The following DGKB variants were observed in gnomAD, a reference collection of about 807,000 sequenced individuals.
The protein encoded by DGKB is 90 kDa diacylglycerol kinase.
A neutral mutation model predicts 114.3 loss-of-function variants in DGKB; 67 were observed. The ratio of observed to expected loss-of-function variants is 0.59; its 90% CI spans 0.48 to 0.72. The LOEUF is 0.72. Ranked by LOEUF, DGKB falls within the 30% of genes least tolerant of loss-of-function variation. The probability of loss-of-function intolerance (pLI) is 0.00; values close to 1 mark genes in which losing one functional copy is unlikely to be tolerated. For synonymous variants in DGKB, 398 were observed against 323.1 expected (o/e 1.23, Z -2.49); for missense variants, 907 against 975.2 (o/e 0.93, Z 0.93).
At chr7:14,852,368 C>G (rs1276270268) in intron 1 of DGKB, among the ~76,000 whole-genome samples, 1 of 150,284 alleles carries the variant, frequency 6.7e-6, no homozygotes, top group East Asian at 2.0e-4. Flanking sequence ...TTTATCAATT[C>G]TCATCTCCCT....
intron 1 of DGKB, among the ~76,000 whole-genome samples, chr7:14,877,899 A>G (rs961199544): frequency 2.0e-4 from 31 of 152,186 alleles, no homozygotes; most frequent in African/African-American, 7.5e-4. Flanking sequence ...GCTTTGAGGG[A>G]GTGATTATCA....
chr7:14,655,198 T>C lies in DGKB; in HGVS notation c.1134+17731A>G, dbSNP rs968102207. Among the ~76,000 whole-genome samples the C allele has an allele frequency of 4.6e-5, 7 of 151,690 alleles. No homozygotes were observed. The East Asian group carries it at 1.2e-3, about 25-fold the overall frequency. ...AACAACTTAACAGCAATAATAATAA[T>C]GGTAATAATCCCATTAAGAGGTGGA... On this transcript the variant is annotated intron_variant, in intron 13 of 25. Coordinates refer to ENST00000402815, the MANE Select transcript of DGKB (RefSeq NM_001350709.2).
At chr7:14,901,605 A>ACCCCCCCCCCCCCCCCCCCCCTCCCC (rs1300363624) in intron 1 of DGKB, among the ~76,000 whole-genome samples, 1 of 123,094 alleles carries the variant, frequency 8.1e-6, no homozygotes, top group Non-Finnish European at 1.7e-5. Flanking sequence ...AGGGATTTCC[A>ACCCCCCCCCCCCCCCCCCCCCTCCCC]CCCCCCCCCA....
In DGKB at chr7:14,752,864, A is replaced by G. The variant is rs545835339; in HGVS notation, c.168+1064T>C. Among the ~76,000 whole-genome samples the G allele has an allele frequency of 7.2e-5, 11 of 152,290 alleles. No homozygotes were observed. In the East Asian group the frequency reaches 2.1e-3, roughly 29 times the overall value. On this transcript the variant is annotated intron_variant, in intron 4 of 25. Transcript: ENST00000402815. ...TTGAATGACTACATTAGAGTAAATG[A>G]AAACAAATCATTTACTCCAAGGGAT...
At chr7:14,885,019 A>G (rs535773785) in intron 1 of DGKB, among the ~76,000 whole-genome samples, 2 of 152,080 alleles carry the variant, frequency 1.3e-5, no homozygotes, top group African/African-American at 4.8e-5. Context: ...GCTTAGTTGA[A>G]ATGCTCTTAG....
At chr7:14,466,809 T>A (rs1780546716) in intron 21 of DGKB, among the ~76,000 whole-genome samples, 1 of 152,100 alleles carries the variant, frequency 6.6e-6, no homozygotes, top group South Asian at 2.1e-4. Flanking sequence ...AGAGCAAGAC[T>A]CGTCTCAAAA....
At chr7:14,405,939 A>T (rs1823864410) in intron 21 of DGKB, among the ~76,000 whole-genome samples, 1 of 152,032 alleles carries the variant, frequency 6.6e-6, no homozygotes, top group African/African-American at 2.4e-5. Flanking sequence ...GCAACACAAG[A>T]TTCGCAACAG....
At position 14,594,793 on chromosome 7, in the gene DGKB, T is replaced by C. The variant is rs374932185; in HGVS notation, c.1434-11656A>G. Among the ~76,000 whole-genome samples the C allele has an allele frequency of 7.2e-5, 11 of 152,222 alleles. No individual in the cohort carries two copies. The East Asian group carries it at 2.1e-3, about 29-fold the overall frequency. ...AATGTATTTTGAAAGGAAATAAATCTAGACTTCTATAGGGAAAAAAGACTT... is the reference window on the plus strand; with the variant it reads ...AATGTATTTTGAAAGGAAATAAATCCAGACTTCTATAGGGAAAAAAGACTT... On this transcript the variant is annotated intron_variant, in intron 17 of 25. Transcript: ENST00000402815.
At chr7:14,822,888 T>C (rs1320307907) in intron 2 of DGKB, among the ~76,000 whole-genome samples, 3 of 152,158 alleles carry the variant, frequency 2.0e-5, no homozygotes, top group African/African-American at 7.2e-5. Context: ...ACTTACCTTG[T>C]TCTTTCATCT....
chr7:14,188,171 T>A (rs938838686), intron 23 of DGKB, among the ~76,000 whole-genome samples: 1 of 151,760 alleles, frequency 6.6e-6, no homozygotes, highest in African/African-American at 2.4e-5. Flanking sequence ...GAAAAGAAAG[T>A]AGAAATAAGA....
intron 1 of DGKB, among the ~76,000 whole-genome samples, chr7:14,898,622 T>C (rs1782489146): frequency 1.3e-5 from 2 of 152,218 alleles, no homozygotes; most frequent in South Asian, 4.1e-4. Context: ...GAGCTGATTT[T>C]AGCACCACAT....
intron 2 of DGKB, 63 bp downstream of exon 2, chr7:14,841,131 A>G: frequency 7.2e-7 from 1 of 1,393,860 alleles, no homozygotes; most frequent in East Asian, 2.5e-5. Flanking sequence ...ATTCTTATAA[A>G]TAAATGATAC....
chr7:14,392,995 G>GTTTTGTTGTTTTTTTTTT (rs1554404749), intron 21 of DGKB, among the ~76,000 whole-genome samples: 12 of 60,544 alleles, frequency 2.0e-4, no homozygotes, highest in African/African-American at 5.8e-4. Context: ...TTTTGTTTTT[G>GTTTTGTTGTTTTTTTTTT]TTTTTTTTTT....
At chr7:14,616,765 A>G (rs1303744491) in intron 15 of DGKB, among the ~76,000 whole-genome samples, 1 of 151,758 alleles carries the variant, frequency 6.6e-6, no homozygotes, top group Non-Finnish European at 1.5e-5. Flanking sequence ...CTCTCTCTAC[A>G]GAGCCCTGTG....
At chr7:14,501,372 T>G (rs573578579) in intron 20 of DGKB, among the ~76,000 whole-genome samples, 1 of 89,774 alleles carries the variant, frequency 1.1e-5, no homozygotes, top group Non-Finnish European at 2.1e-5. Context: ...GGCTTTTGTC[T>G]GATTGAGCAA....
chr7:14,260,587 G>A (rs1426158037), intron 23 of DGKB, among the ~76,000 whole-genome samples: 1 of 152,046 alleles, frequency 6.6e-6, no homozygotes, highest in Non-Finnish European at 1.5e-5. Context: ...ATAAAATAAG[G>A]CAGTTTCTTT....
chr7:14,293,929 C>T (rs1169669601), intron 23 of DGKB, among the ~76,000 whole-genome samples: 1 of 152,132 alleles, frequency 6.6e-6, no homozygotes, highest in African/African-American at 2.4e-5. Context: ...AAATAAATTG[C>T]TACTAATTTA....
intron 5 of DGKB, among the ~76,000 whole-genome samples, chr7:14,724,807 C>A (rs1170243015): frequency 6.6e-6 from 1 of 152,162 alleles, no homozygotes; most frequent in Non-Finnish European, 1.5e-5. Context: ...CAAATCATCT[C>A]ATTCCAAACT....
rs868496542 is a variant in DGKB at position 14,648,626 on chromosome 7, C to T, written c.1135-18358G>A. Among the ~76,000 whole-genome samples, 195 of 152,144 alleles carry T rather than the reference C, an allele frequency of 1.3e-3. 1 individual carries two copies. The highest frequency in any genetic ancestry group is 2.7e-3 in the Admixed American group (42 of 15,276). On this transcript the variant is annotated intron_variant, in intron 13 of 25. Transcript: ENST00000402815. ...AAGGAATGCAGTTCCTCACCAGCAA[C>T]GGAACAAAGCTGGATGGAGAATGAC...
Sources: gnomAD v4.1 joint callset for allele counts (sites outside exome capture counted in the v4.1 genomes callset) on GRCh38, gnomAD v4.1.1 for gene constraint, MANE v1.5 for transcripts, NCBI Gene and HGNC (gene_info 2026-07-23, HGNC 2026-07-21) for gene names.